SGIP1: variants seen among roughly 807,000 people sequenced by gnomAD.
SGIP1 encodes SH3GL interacting endocytic adaptor 1.
SGIP1 carries 38 observed loss-of-function variants against 107.5 expected under a neutral mutation model. That is an observed-to-expected ratio of 0.35 (90% CI 0.27 to 0.46). SGIP1 has a LOEUF of 0.46. Ranked by LOEUF, SGIP1 falls within the 20% of genes least tolerant of loss-of-function variation. SGIP1 has a pLI of 1.00. For synonymous variants in SGIP1, 365 were observed against 366.1 expected, an observed-to-expected ratio of 1.00 and a Z score of 0.03; for missense variants, 929 against 1,019.5, an observed-to-expected ratio of 0.91 and a Z score of 1.21.
chr1:66,631,067 G>GAA (rs1362023874), intron 2 of SGIP1, among the ~76,000 whole-genome samples: 4 of 137,210 alleles, frequency 2.9e-5, no homozygotes, highest in Non-Finnish European at 6.4e-5. Flanking sequence ...AAGAAAGAAA[G>GAA]AAAGAAAGAA....
chr1:66,707,692 G>T (rs756422278), intron 18 of SGIP1, among the ~76,000 whole-genome samples: 4 of 152,164 alleles, frequency 2.6e-5, no homozygotes, highest in African/African-American at 4.8e-5. Context: ...CAGTTGCATA[G>T]TCTGGTAGAT....
At chr1:66,553,742 C>T (rs17434265) in intron 1 of SGIP1, among the ~76,000 whole-genome samples, 5,352 of 152,038 alleles carry the variant, frequency 0.035, 138 homozygotes, top group Non-Finnish European at 0.053. Context: ...GATTTCAATA[C>T]CTATGCTCTT....
At chr1:66,677,215 T>C (rs1358637474) in intron 13 of SGIP1, 119 bp downstream of exon 13, 1 of 732,114 alleles carries the variant, frequency 1.4e-6, no homozygotes, top group Admixed American at 2.7e-5. Context: ...CTGAATAATA[T>C]TAAGAAGAGA....
chr1:66,689,183 G>C lies in SGIP1; in HGVS notation c.1351G>C (p.Val451Leu), dbSNP rs761801425. 68 of 1,613,488 alleles carry C rather than the reference G, an allele frequency of 4.2e-5. No homozygotes were observed. In the Admixed American group the frequency reaches 1.1e-3, roughly 27 times the overall value. ...SSPARPATPLVPCRSTTPPPP... is the reference protein window; with the variant it reads ...SSPARPATPLLPCRSTTPPPP... ...CCCTGCTCGACCAGCCACTCCTTTG[G>C]TTCCTTGCAGAAGTACCACTCCACC... is the stretch of plus-strand genomic sequence containing the variant. Residue 451 changes from valine (V) to leucine (L), a missense_variant, in exon 16 of 25, where the codon GTT becomes CTT. Val to Leu is a conservative substitution (Grantham distance 32, BLOSUM62 1). This residue lies in a region of SGIP1 where 588 missense variants were observed against 588.6 expected (regional missense o/e 1.00). Coordinates refer to ENST00000371037, the MANE Select transcript of SGIP1 (RefSeq NM_032291.4).
Position 66,741,317 on chromosome 1 carries a change from G to A in SGIP1, c.2345G>A (p.Ser782Asn), listed in dbSNP as rs753033797. 2.5e-6 allele frequency: 4 copies of A among 1,605,568 alleles called. No homozygotes were observed. Among genetic ancestry groups the A allele is most frequent in the African/African-American group, 1.3e-5 (1 of 74,602 alleles). The change falls in exon 24 of 25, where the codon AGC becomes AAC. Residue 782 changes from serine (S) to asparagine (N), a missense_variant. Coordinates refer to ENST00000371037, the MANE Select transcript of SGIP1 (RefSeq NM_032291.4). ...LARFQLSEGPSKPSPLVVQFT... is the reference protein window; with the variant it reads ...LARFQLSEGPNKPSPLVVQFT... ...AGATTTCAGTTATCTGAAGGCCCAAGCAAACCTTCTCCATTGGTTGTGCAG... is the reference window on the plus strand; with the variant it reads ...AGATTTCAGTTATCTGAAGGCCCAAACAAACCTTCTCCATTGGTTGTGCAG...
upstream of SGIP1, chr1:66,534,064 G>A (rs1259830049): frequency 3.9e-6 from 2 of 511,860 alleles, no homozygotes; most frequent in Non-Finnish European, 7.0e-6. Context: ...TGGCTACCAT[G>A]TGACGCGGTC....
At chr1:66,544,963 CT>C (rs1434302451) in intron 1 of SGIP1, among the ~76,000 whole-genome samples, 8 of 152,256 alleles carry the variant, frequency 5.3e-5, no homozygotes, top group Admixed American at 3.3e-4. Flanking sequence ...AGAGTCACTG[CT>C]TGGATTAATT....
At chr1:66,551,700 A>G (rs1314638498) in intron 1 of SGIP1, among the ~76,000 whole-genome samples, 1 of 152,204 alleles carries the variant, frequency 6.6e-6, no homozygotes, top group Non-Finnish European at 1.5e-5. Flanking sequence ...GCAAATACAA[A>G]TACTGCCCTT....
intron 18 of SGIP1, among the ~76,000 whole-genome samples, chr1:66,703,525 A>G (rs999734783): frequency 1.3e-5 from 2 of 149,538 alleles, no homozygotes; most frequent in Admixed American, 6.7e-5. Context: ...ATACATATGC[A>G]CACACACACA....
chr1:66,743,207 A>G lies in SGIP1; in HGVS notation c.*112A>G. The G allele has an allele frequency of 9.3e-7, 1 of 1,072,532 alleles. No homozygotes were observed. The highest frequency in any genetic ancestry group is 1.4e-6 in the Non-Finnish European group (1 of 717,890). 66.4% of individuals were successfully genotyped at this position (1,072,532 alleles called of 1,614,324 possible). A position where few individuals can be genotyped will look rare whatever the true frequency, so the allele number is the denominator to read the frequency against. ...AAACCAATATCTGCACTTGGGATAT[A>G]TCAGGTGGAAAGTCAATGACTTTCA... On this transcript the variant is annotated 3_prime_UTR_variant, in exon 25 of 25. Transcript: ENST00000371037.
At chr1:66,577,341 A>G (rs774162734) in intron 1 of SGIP1, among the ~76,000 whole-genome samples, 15 of 151,652 alleles carry the variant, frequency 9.9e-5, no homozygotes, top group Non-Finnish European at 2.1e-4. Flanking sequence ...CATCATATAA[A>G]CTCCTTAAAA....
intron 1 of SGIP1, among the ~76,000 whole-genome samples, chr1:66,550,020 T>C (rs556407954): frequency 6.6e-6 from 1 of 152,288 alleles, no homozygotes; most frequent in Non-Finnish European, 1.5e-5. Context: ...CCAGTATCTT[T>C]GAGTTCTTTT....
intron 18 of SGIP1, among the ~76,000 whole-genome samples, chr1:66,714,627 T>C (rs1294161244): frequency 6.6e-6 from 1 of 152,118 alleles, no homozygotes; most frequent in Non-Finnish European, 1.5e-5. Flanking sequence ...ACTGTAAAAA[T>C]TCTAAATGCC....
At chr1:66,648,589 G>A (rs989336242) in intron 7 of SGIP1, among the ~76,000 whole-genome samples, 4 of 152,120 alleles carry the variant, frequency 2.6e-5, no homozygotes, top group Non-Finnish European at 5.9e-5. Context: ...ACAACACTGC[G>A]TTTGAGAGAC....
At chr1:66,689,740 G>GA (rs2089381135) in intron 16 of SGIP1, among the ~76,000 whole-genome samples, 1 of 152,208 alleles carries the variant, frequency 6.6e-6, no homozygotes, top group African/African-American at 2.4e-5. Context: ...CTGAGGAGTG[G>GA]AAAACATTCT....
At chr1:66,545,910 A>G (rs1402966701) in intron 1 of SGIP1, among the ~76,000 whole-genome samples, 1 of 152,106 alleles carries the variant, frequency 6.6e-6, no homozygotes, top group African/African-American at 2.4e-5. Flanking sequence ...AAAACCAAGG[A>G]CTATGCCACA....
chr1:66,699,476 A>ACACG (rs2091539053), intron 18 of SGIP1, among the ~76,000 whole-genome samples: 1 of 152,152 alleles, frequency 6.6e-6, no homozygotes, highest in South Asian at 2.1e-4. Flanking sequence ...CCTGTCTCAC[A>ACACG]TGCTGGCTCC....
At chr1:66,600,285 T>G (rs1366029898) in intron 1 of SGIP1, among the ~76,000 whole-genome samples, 1 of 152,240 alleles carries the variant, frequency 6.6e-6, no homozygotes, top group Admixed American at 6.5e-5. Context: ...GGTCGAATCT[T>G]TTTTCAATTT....
chr1:66,574,621 A>G (rs932332175), intron 1 of SGIP1, among the ~76,000 whole-genome samples: 2 of 152,150 alleles, frequency 1.3e-5, no homozygotes, highest in African/African-American at 4.8e-5. Flanking sequence ...TCCTTAATTC[A>G]CTGCCTTTGT....
Sources: gnomAD v4.1 joint callset for allele counts (sites outside exome capture counted in the v4.1 genomes callset) on GRCh38, gnomAD v4.1.1 for gene constraint, gnomAD v4.1.1 regional missense constraint, MANE v1.5 for transcripts, NCBI Gene and HGNC (gene_info 2026-07-23, HGNC 2026-07-21) for gene names.